The following CAPN6 variants were observed in gnomAD, a reference collection of about 807,000 sequenced individuals.
CAPN6 encodes the protein calpain 6.
In CAPN6, 16 loss-of-function variants were observed where a neutral mutation model predicts 46.0. The observed-to-expected ratio is 0.35, with a 90% CI of 0.24 to 0.53. CAPN6 has a LOEUF of 0.53. Among genes scored for constraint, CAPN6 ranks in the 20% least tolerant of loss-of-function variants. CAPN6 has a pLI of 0.94. For synonymous variants in CAPN6, 206 were observed against 172.8 expected (o/e 1.19, Z -1.51); for missense variants, 461 against 498.0 (o/e 0.93, Z 0.71).
rs1027464417 is a variant in CAPN6 at position 111,246,435 on chromosome X, T to C, written c.*142A>G. ...CAGATGCTACTTGGATTGGGAGGTA[T>C]GGGGAATTTATCAGAAGAGAGGAAG... On this transcript the variant is annotated 3_prime_UTR_variant, in exon 13 of 13. Transcript: ENST00000324068. The C allele has an allele frequency of 3.9e-6, 2 of 515,699 alleles. No homozygotes were observed. The highest frequency in any genetic ancestry group is 4.8e-5 in the African/African-American group (2 of 41,806). The allele number at this position is 515,699 out of a possible 1,213,427, so 42.5% of individuals were successfully genotyped here.
rs147112567 is a variant in CAPN6, at chrX:111,246,694, G to A, written c.1809C>T (p.Ser603=). 4.0e-4 allele frequency: 487 copies of A among 1,208,277 alleles called. No individual in the cohort carries two copies. Among genetic ancestry groups the A allele is most frequent in the Non-Finnish European group, 5.3e-4 (473 of 894,348 alleles). The part of the protein sequence containing the change: ...LGQVTLDADP[S]DCRDLKSLYL... The stretch of plus-strand genomic sequence containing the variant: ...ACAGAGACTTCAGATCACGGCAGTC[G>A]CTGGGGTCAGCATCCAGAGTAACCT... Residue 603 remains serine, a synonymous_variant, in exon 13 of 13, where the codon AGC becomes AGT. Coordinates refer to ENST00000324068, the MANE Select transcript of CAPN6 (RefSeq NM_014289.4).
chrX:111,247,895 G>T lies in CAPN6; in HGVS notation c.1582C>A (p.Leu528Met), dbSNP rs2094975831. The T allele has an allele frequency of 8.3e-7, 1 of 1,210,228 alleles. No homozygotes were observed. The highest frequency in any genetic ancestry group is 1.1e-6 in the Non-Finnish European group (1 of 894,454). The stretch of plus-strand genomic sequence containing the variant: ...CTTTCATTGGCATACTTCTTCTCCA[G>T]GTCCTCAGCACTGTGAACAGTGATC... The part of the protein sequence containing the change: ...TQITVHSAED[L>M]EKKYANETVN... The change falls in exon 11 of 13, where the codon CTG (leucine) becomes ATG (methionine). Residue 528 changes from leucine (L) to methionine (M), a missense_variant. Transcript: ENST00000324068.
At chrX:111,260,011 G>A (rs184664870) in intron 2 of CAPN6, among the ~76,000 whole-genome samples, 21 of 112,257 alleles carry the variant, frequency 1.9e-4, no homozygotes, top group African/African-American at 5.8e-4. Context: ...TTGAGCTCCA[G>A]GAGAATAGAA....
chrX:111,259,980 A>G (rs1038025800), intron 2 of CAPN6, among the ~76,000 whole-genome samples: 7 of 111,796 alleles, frequency 6.3e-5, no homozygotes, highest in Non-Finnish European at 1.1e-4. Context: ...TAGACCTTAT[A>G]ATTTATGAAG....
chrX:111,259,032 G>A lies in CAPN6; in HGVS notation c.166-4629C>T, dbSNP rs150584060. Reference sequence around the variant, plus strand: ...ATTAGTGGTTGGCTGCAGCAGGGGTGGGGGTAGGGTGGAGGGATTACTCCC... The same window carrying A: ...ATTAGTGGTTGGCTGCAGCAGGGGTAGGGGTAGGGTGGAGGGATTACTCCC... On this transcript the variant is annotated intron_variant, in intron 2 of 12. Transcript: ENST00000324068. Among the ~76,000 whole-genome samples the A allele has an allele frequency of 4.9e-3, 545 of 111,876 alleles. 3 individuals are homozygous for A. Among genetic ancestry groups the A allele is most frequent in the African/African-American group, 0.017 (515 of 30,751 alleles).
chrX:111,251,408 C>A, intron 6 of CAPN6, 122 bp from the exon 7 acceptor site: 1 of 908,726 alleles, frequency 1.1e-6, no homozygotes, highest in South Asian at 2.3e-5. Flanking sequence ...ATTTCATCTG[C>A]GGCTGGGTCA....
intron 1 of CAPN6, among the ~76,000 whole-genome samples, chrX:111,267,962 G>GA (rs1326594836): frequency 8.9e-6 from 1 of 112,279 alleles, no homozygotes; most frequent in Non-Finnish European, 1.9e-5. Flanking sequence ...ACTTGGATAG[G>GA]AAAAAGTAAT....
intron 8 of CAPN6, among the ~76,000 whole-genome samples, chrX:111,250,595 C>T (rs17883982): frequency 0.012 from 1,335 of 110,848 alleles, 17 homozygotes; most frequent in African/African-American, 0.041. Flanking sequence ...CAAAGCAGAT[C>T]TTCTCTCTCC....
At chrX:111,252,606 T>C (rs2094980615) in intron 4 of CAPN6, 107 bp from the exon 5 acceptor site, 1 of 585,722 alleles carries the variant, frequency 1.7e-6, no homozygotes, top group African/African-American at 2.3e-5. Flanking sequence ...ACCAGATGGC[T>C]TTTCTCTAGG....
intron 4 of CAPN6, 133 bp from the exon 5 acceptor site, chrX:111,252,632 G>T: frequency 4.0e-6 from 2 of 504,779 alleles, no homozygotes; most frequent in Non-Finnish European, 6.3e-6. Flanking sequence ...AATGAGAGAT[G>T]TTTTGAAATT....
rs1363035204 is a variant in CAPN6, at chrX:111,245,319, AGG to A, written c.*1256_*1257del. On this transcript the variant is annotated 3_prime_UTR_variant, in exon 13 of 13. Coordinates refer to ENST00000324068, the MANE Select transcript of CAPN6 (RefSeq NM_014289.4). ...GAAGGTGGGGGTTTGGGGTGGAATT[AGG>A]GAAGGCTTCATGGAGGAGGTGGCAT... The A allele has an allele frequency of 9.0e-6, 1 of 111,675 alleles. No individual in the cohort carries two copies. The highest frequency in any genetic ancestry group is 1.9e-5 in the Non-Finnish European group (1 of 53,150). The allele number at this position is 111,675 out of a possible 1,213,427, so 9.2% of individuals were successfully genotyped here.
chrX:111,261,583 C>T (rs963580731), intron 2 of CAPN6, among the ~76,000 whole-genome samples: 5 of 112,314 alleles, frequency 4.5e-5, no homozygotes, highest in African/African-American at 9.7e-5. Context: ...GGCAAAATGC[C>T]GTGGTTGTTA....
intron 1 of CAPN6, among the ~76,000 whole-genome samples, chrX:111,268,664 C>T (rs1415869936): frequency 3.5e-5 from 4 of 112,683 alleles, no homozygotes; most frequent in African/African-American, 6.4e-5. Context: ...CCTATTTCAC[C>T]CCTCCTTTTT....
chrX:111,270,224 G>A (rs1365671438), intron 1 of CAPN6, 147 bp downstream of exon 1: 2 of 191,521 alleles, frequency 1.0e-5, no homozygotes, highest in African/African-American at 2.7e-5. Context: ...TGCTATTAAC[G>A]GGCACATATT....
chrX:111,251,204 C>T lies in CAPN6; in HGVS notation c.971+5G>A. On this transcript the variant is annotated splice_donor_5th_base_variant and intron_variant, in intron 7 of 12. Transcript: ENST00000324068. The stretch of plus-strand genomic sequence containing the variant: ...AATTCCCTTAGTGCAGAAACCCCTC[C>T]TCACCAAAACTCTCCATCATCAGAC... 8.3e-7 allele frequency: 1 copy of T among 1,209,658 alleles called. No homozygotes were observed. The highest frequency in any genetic ancestry group is 1.1e-6 in the Non-Finnish European group (1 of 894,567).
At position 111,247,969 on chromosome X, in the gene CAPN6, T is replaced by C; in HGVS notation, c.1508A>G (p.Lys503Arg). 8.3e-7 allele frequency: 1 copy of C among 1,210,415 alleles called. No individual in the cohort carries two copies. Among genetic ancestry groups the C allele is most frequent in the South Asian group, 1.8e-5 (1 of 56,933 alleles). The change falls in exon 11 of 13, where the codon AAA becomes AGA. Residue 503 changes from lysine to arginine, a missense_variant. Transcript: ENST00000324068. ...QLRELTLDMP[K>R]MSCWNLARGY... ...ACGAGCCAGGTTCCAGCAGGACATT[T>C]TGGGCATGTCCAGAGTCAGTTCCCT... is the stretch of plus-strand genomic sequence containing the variant.
intron 1 of CAPN6, among the ~76,000 whole-genome samples, chrX:111,264,382 G>A (rs2094990237): frequency 8.9e-6 from 1 of 112,105 alleles, no homozygotes; most frequent in Non-Finnish European, 1.9e-5. Flanking sequence ...ATAATTTGGT[G>A]CCCTGGAGAG....
At chrX:111,251,522 T>C (rs754445083) in intron 6 of CAPN6, 27 bp downstream of exon 6, 7 of 1,139,656 alleles carry the variant, frequency 6.1e-6, no homozygotes, top group Non-Finnish European at 7.2e-6. Flanking sequence ...TTTGGAGATG[T>C]AGCTGTGAAA....
intron 1 of CAPN6, among the ~76,000 whole-genome samples, chrX:111,264,809 G>T (rs2094990579): frequency 1.8e-5 from 2 of 110,999 alleles, no homozygotes; most frequent in African/African-American, 3.3e-5. Flanking sequence ...CCACACTCAA[G>T]TGCTCTTAAC....
Sources: allele counts gnomAD v4.1 joint callset (sites outside exome capture counted in the v4.1 genomes callset), GRCh38; gene constraint gnomAD v4.1.1; transcripts MANE v1.5; gene names NCBI Gene and HGNC (gene_info 2026-07-23, HGNC 2026-07-21).